ZRANB3: variants seen among roughly 807,000 people sequenced by gnomAD.
The protein encoded by ZRANB3 is DNA annealing helicase and endonuclease ZRANB3.
In ZRANB3, 125 loss-of-function variants were observed where a neutral mutation model predicts 133.8. The observed-to-expected ratio is 0.93, with a 90% CI of 0.81 to 1.08. The LOEUF (loss-of-function observed/expected upper bound fraction) is 1.08. Among genes scored for constraint, ZRANB3 ranks in the 50% least tolerant of loss-of-function variants. The pLI is 0.00. For missense variants in ZRANB3, 1,229 were observed against 1,275.5 expected (o/e 0.96, Z 0.56); for synonymous variants, 387 against 432.7 (o/e 0.89, Z 1.31).
At chr2:135,525,570 G>A (rs947689488) in intron 1 of ZRANB3, among the ~76,000 whole-genome samples, 4 of 152,170 alleles carry the variant, frequency 2.6e-5, no homozygotes, top group Admixed American at 6.5e-5. Flanking sequence ...GGATTGGGCC[G>A]GGCACAATGG....
intron 17 of ZRANB3, among the ~76,000 whole-genome samples, chr2:135,214,994 C>T (rs538055814): frequency 4.6e-5 from 7 of 152,084 alleles, no homozygotes; most frequent in Middle Eastern, 3.4e-3. Context: ...CACAGCTTAT[C>T]GCAGCCTTGA....
intron 2 of ZRANB3, among the ~76,000 whole-genome samples, chr2:135,496,384 TAAAAAAAAAAAAAAAAA>T: frequency 3.0e-5 from 1 of 33,328 alleles, no homozygotes; most frequent in African/African-American, 6.7e-5. Context: ...AACTCCATCT[TAAAAAAAAAAAAAAAAA>T]AAAAAAAAAA....
chr2:135,386,956 G>A (rs1166180042), intron 3 of ZRANB3, among the ~76,000 whole-genome samples: 3 of 150,842 alleles, frequency 2.0e-5, no homozygotes, highest in South Asian at 2.1e-4. Flanking sequence ...AAACCTGCAC[G>A]TTTTGCGCAG....
chr2:135,356,134 A>G (rs999113404), intron 3 of ZRANB3, among the ~76,000 whole-genome samples: 3 of 152,178 alleles, frequency 2.0e-5, no homozygotes, highest in African/African-American at 7.2e-5. Context: ...TAGGATACGT[A>G]GAATTGGGAC....
rs1684760765 is a variant in ZRANB3, at chr2:135,343,029, A to C, written c.677+2521T>G. ...AAAATCCAAAAAAAAAAAAAAAAAA[A>C]AAAAAACATTAGCAGGGCATGGCAG... On this transcript the variant is annotated intron_variant, in intron 6 of 20. Transcript: ENST00000264159. Among the ~76,000 whole-genome samples the C allele has an allele frequency of 2.7e-5, 4 of 146,360 alleles. No individual in the cohort carries two copies. In the South Asian group the frequency reaches 8.4e-4, roughly 31 times the overall value.
chr2:135,255,016 G>T (rs952773803), intron 12 of ZRANB3, among the ~76,000 whole-genome samples: 1 of 152,060 alleles, frequency 6.6e-6, no homozygotes, highest in Non-Finnish European at 1.5e-5. Context: ...CTCCCAAAGT[G>T]CTGGGATTAC....
At chr2:135,475,460 G>A (rs1487798239) in intron 2 of ZRANB3, among the ~76,000 whole-genome samples, 1 of 152,072 alleles carries the variant, frequency 6.6e-6, no homozygotes, top group Non-Finnish European at 1.5e-5. Context: ...TTTTGAACTG[G>A]GCATCATGTT....
At chr2:135,449,193 A>G (rs901897485) in intron 2 of ZRANB3, among the ~76,000 whole-genome samples, 3 of 152,192 alleles carry the variant, frequency 2.0e-5, no homozygotes, top group Non-Finnish European at 2.9e-5. Context: ...AAAGAACCTA[A>G]ATCAACTGAC....
intron 6 of ZRANB3, among the ~76,000 whole-genome samples, chr2:135,320,936 T>C (rs1174980886): frequency 3.3e-5 from 5 of 152,238 alleles, no homozygotes; most frequent in Non-Finnish European, 7.3e-5. Flanking sequence ...TCACTTAGCA[T>C]ATTGCATTTG....
chr2:135,210,078 T>C (rs1694033962), intron 17 of ZRANB3, among the ~76,000 whole-genome samples: 1 of 152,174 alleles, frequency 6.6e-6, no homozygotes, highest in Non-Finnish European at 1.5e-5. Context: ...TTGGCAGTTT[T>C]GTTTTTATTT....
chr2:135,427,176 C>T (rs912369355), intron 2 of ZRANB3, among the ~76,000 whole-genome samples: 6 of 151,652 alleles, frequency 4.0e-5, no homozygotes, highest in African/African-American at 1.5e-4. Flanking sequence ...CCCACTCTCA[C>T]CACTCCTATT....
At chr2:135,438,770 C>A (rs1295259416) in intron 2 of ZRANB3, among the ~76,000 whole-genome samples, 6 of 152,174 alleles carry the variant, frequency 3.9e-5, no homozygotes, top group South Asian at 4.1e-4. Context: ...GTTCTTAAAT[C>A]TCAATCTGAC....
intron 1 of ZRANB3, among the ~76,000 whole-genome samples, chr2:135,509,252 C>T (rs1453699791): frequency 3.9e-5 from 6 of 152,090 alleles, no homozygotes; most frequent in African/African-American, 1.4e-4. Flanking sequence ...AATAGGAGTC[C>T]GATTAGATAC....
intron 1 of ZRANB3, among the ~76,000 whole-genome samples, chr2:135,506,000 C>G (rs1160079224): frequency 6.6e-6 from 1 of 151,908 alleles, no homozygotes; most frequent in African/African-American, 2.4e-5. Flanking sequence ...AAAAAGCCAC[C>G]CAGGATCAAA....
intron 6 of ZRANB3, among the ~76,000 whole-genome samples, chr2:135,321,185 GTATTGTCAGTGTATGCCATAATGTT>G (rs1287279698): frequency 1.3e-5 from 2 of 152,122 alleles, no homozygotes; most frequent in Admixed American, 6.5e-5. Flanking sequence ...TTTCTGATTT[GTATTGTCAGTGTATGCCATAATGTT>G]TCCAAAGTGG....
chr2:135,285,354 T>C (rs182662558), intron 8 of ZRANB3, among the ~76,000 whole-genome samples: 1 of 152,338 alleles, frequency 6.6e-6, no homozygotes, highest in Non-Finnish European at 1.5e-5. Flanking sequence ...ACTGTATTGA[T>C]TATTGCTGAC....
At chr2:135,490,648 A>C (rs1231823377) in intron 2 of ZRANB3, among the ~76,000 whole-genome samples, 1 of 152,230 alleles carries the variant, frequency 6.6e-6, no homozygotes, top group Non-Finnish European at 1.5e-5. Context: ...TACTGGGTAT[A>C]TATCCAAAAG....
At chr2:135,414,307 G>C (rs1688451413) in intron 2 of ZRANB3, among the ~76,000 whole-genome samples, 1 of 152,128 alleles carries the variant, frequency 6.6e-6, no homozygotes, top group Non-Finnish European at 1.5e-5. Flanking sequence ...TGCAATCCTA[G>C]TCTCGGATAA....
chr2:135,381,230 C>G (rs572592072), intron 3 of ZRANB3, among the ~76,000 whole-genome samples: 1 of 152,224 alleles, frequency 6.6e-6, no homozygotes, highest in Non-Finnish European at 1.5e-5. Flanking sequence ...CAGGGTCCTA[C>G]GCCCACGGAG....
Sources: gnomAD v4.1 joint callset for allele counts (sites outside exome capture counted in the v4.1 genomes callset) on GRCh38, gnomAD v4.1.1 for gene constraint, MANE v1.5 for transcripts, NCBI Gene and HGNC (gene_info 2026-07-23, HGNC 2026-07-21) for gene names.